The following EPB41L4A variants were observed in gnomAD, a reference collection of about 807,000 sequenced individuals.
EPB41L4A encodes erythrocyte membrane protein band 4.1 like 4A.
A neutral mutation model predicts 108.6 loss-of-function variants in EPB41L4A; 100 were observed. That is an observed-to-expected ratio of 0.92 (90% confidence interval 0.78 to 1.09). The LOEUF is 1.09. EPB41L4A is among the 50% of genes least tolerant of loss of function. EPB41L4A has a pLI of 0.00. For missense variants in EPB41L4A, 1,030 were observed against 842.7 expected (o/e 1.22, Z -2.75); for synonymous variants, 319 against 289.0 (o/e 1.10, Z -1.05).
intron 9 of EPB41L4A, among the ~76,000 whole-genome samples, chr5:112,258,133 G>T (rs1253801060): frequency 1.3e-5 from 2 of 152,202 alleles, no homozygotes; most frequent in Non-Finnish European, 2.9e-5. Context: ...GTAAATGGCA[G>T]CATGCCATAT....
At chr5:112,292,521 T>C (rs1371091098) in intron 2 of EPB41L4A, among the ~76,000 whole-genome samples, 1 of 152,150 alleles carries the variant, frequency 6.6e-6, no homozygotes, top group East Asian at 1.9e-4. Context: ...AAAAAGCACC[T>C]GCACAGCTTT....
intron 9 of EPB41L4A, among the ~76,000 whole-genome samples, chr5:112,243,613 C>A (rs1749981220): frequency 6.6e-6 from 1 of 152,190 alleles, no homozygotes. Context: ...AGTGTAGCCA[C>A]TTTCATCAAT....
chr5:112,176,743 C>CTTTTTTTTTTTT (rs59150913), intron 18 of EPB41L4A, among the ~76,000 whole-genome samples: 1 of 65,848 alleles, frequency 1.5e-5, no homozygotes, highest in Non-Finnish European at 2.7e-5. Flanking sequence ...ACCAGAGCAA[C>CTTTTTTTTTTTT]TTTTTTTTTT....
At chr5:112,282,868 A>G (rs1262078133) in intron 2 of EPB41L4A, among the ~76,000 whole-genome samples, 1 of 152,204 alleles carries the variant, frequency 6.6e-6, no homozygotes, top group Non-Finnish European at 1.5e-5. Context: ...TCATCCCAAA[A>G]GACAACCTTT....
intron 1 of EPB41L4A, among the ~76,000 whole-genome samples, chr5:112,335,165 G>A (rs1044651300): frequency 3.3e-5 from 5 of 152,148 alleles, no homozygotes; most frequent in African/African-American, 7.2e-5. Flanking sequence ...GCTTGGCACA[G>A]AGTACAGGAG....
intron 1 of EPB41L4A, among the ~76,000 whole-genome samples, chr5:112,388,651 T>C (rs1025740693): frequency 1.3e-5 from 2 of 152,324 alleles, no homozygotes; most frequent in Middle Eastern, 3.4e-3. Context: ...CACTGCTCTG[T>C]GCCCCAACTT....
intron 12 of EPB41L4A, among the ~76,000 whole-genome samples, chr5:112,210,911 G>T (rs1019151947): frequency 2.0e-5 from 3 of 151,382 alleles, no homozygotes; most frequent in Non-Finnish European, 2.9e-5. Flanking sequence ...TAATAGTTAC[G>T]GTCCTTCAAT....
At chr5:112,327,448 G>A (rs941859048) in intron 1 of EPB41L4A, among the ~76,000 whole-genome samples, 5 of 152,282 alleles carry the variant, frequency 3.3e-5, no homozygotes, top group South Asian at 4.1e-4. Context: ...GGGTGCAGTG[G>A]CTCACACCTG....
chr5:112,356,052 A>T (rs537048191), intron 1 of EPB41L4A, among the ~76,000 whole-genome samples: 1 of 152,116 alleles, frequency 6.6e-6, no homozygotes, highest in Non-Finnish European at 1.5e-5. Flanking sequence ...ATGTTACTTG[A>T]CTGATTACTT....
At chr5:112,302,253 C>T (rs910214120) in intron 2 of EPB41L4A, among the ~76,000 whole-genome samples, 1 of 152,034 alleles carries the variant, frequency 6.6e-6, no homozygotes. Context: ...CACCTATAAT[C>T]CTAGCACTTT....
At chr5:112,310,729 T>C (rs1754994971) in intron 1 of EPB41L4A, among the ~76,000 whole-genome samples, 1 of 152,166 alleles carries the variant, frequency 6.6e-6, no homozygotes, top group South Asian at 2.1e-4. Context: ...GCTTTAGTCC[T>C]TTTTGTTCTG....
At chr5:112,190,597 TG>T (rs1761648572) in intron 17 of EPB41L4A, among the ~76,000 whole-genome samples, 1 of 152,092 alleles carries the variant, frequency 6.6e-6, no homozygotes, top group Non-Finnish European at 1.5e-5. Flanking sequence ...ACTCTGGAAG[TG>T]GGTATAGGAC....
chr5:112,166,171 C>T (rs187095022), intron 22 of EPB41L4A, among the ~76,000 whole-genome samples: 3 of 152,366 alleles, frequency 2.0e-5, no homozygotes, highest in Non-Finnish European at 2.9e-5. Flanking sequence ...TCTTAGCAGC[C>T]TTTGCGTGAA....
chr5:112,267,105 AT>A (rs1009562426), intron 4 of EPB41L4A, among the ~76,000 whole-genome samples: 2 of 151,956 alleles, frequency 1.3e-5, no homozygotes, highest in Admixed American at 6.6e-5. Flanking sequence ...GATTAGTTTT[AT>A]TTTTTTTCTT....
intron 9 of EPB41L4A, among the ~76,000 whole-genome samples, chr5:112,250,989 G>A (rs1212452575): frequency 2.0e-5 from 3 of 152,148 alleles, no homozygotes; most frequent in Non-Finnish European, 4.4e-5. Flanking sequence ...ACTGCCCACA[G>A]TTAGTGAGCA....
At chr5:112,265,063 C>T (rs1473437065) in intron 5 of EPB41L4A, 47 bp from the exon 6 acceptor site, 6 of 1,455,788 alleles carry the variant, frequency 4.1e-6, no homozygotes, top group Non-Finnish European at 5.5e-6. Flanking sequence ...GGAAAATAGT[C>T]CTTAAAACAT....
At chr5:112,320,489 G>A (rs944625497) in intron 1 of EPB41L4A, among the ~76,000 whole-genome samples, 2 of 152,122 alleles carry the variant, frequency 1.3e-5, no homozygotes, top group Non-Finnish European at 2.9e-5. Context: ...CTACAAAAGG[G>A]TAATTCTTTA....
At chr5:112,409,749 C>G (rs1165741537) in intron 1 of EPB41L4A, among the ~76,000 whole-genome samples, 2 of 152,120 alleles carry the variant, frequency 1.3e-5, no homozygotes, top group Non-Finnish European at 2.9e-5. Flanking sequence ...TCCCTACTAA[C>G]AGCTGCTACC....
intron 12 of EPB41L4A, among the ~76,000 whole-genome samples, chr5:112,217,946 G>A (rs552888963): frequency 1.3e-5 from 2 of 152,218 alleles, no homozygotes; most frequent in African/African-American, 2.4e-5. Context: ...CCTCTTCCCA[G>A]ACCCAGTACT....
Sources: allele counts gnomAD v4.1 joint callset (sites outside exome capture counted in the v4.1 genomes callset), GRCh38; gene constraint gnomAD v4.1.1; transcripts MANE v1.5; gene names NCBI Gene and HGNC (gene_info 2026-07-23, HGNC 2026-07-21).